The following MICALL2 variants were observed in gnomAD, a reference collection of about 807,000 sequenced individuals.
MICALL2 encodes MICAL like 2.
In MICALL2, 111 loss-of-function variants were observed where a neutral mutation model predicts 91.1. The ratio of observed to expected loss-of-function variants is 1.22; its 90% CI spans 1.04 to 1.43. The LOEUF (loss-of-function observed/expected upper bound fraction) is 1.43, where lower values mean the gene tolerates loss of function less well. Among genes scored for constraint, MICALL2 ranks in the 40% most tolerant of loss-of-function variants. MICALL2 has a pLI of 0.00. For missense variants in MICALL2, 1,556 were observed against 1,236.0 expected (o/e 1.26, Z -3.88); for synonymous variants, 694 against 525.3 (o/e 1.32, Z -4.39).
At position 1,437,543 on chromosome 7, in the gene MICALL2, G is replaced by A. The variant is rs1230479669; in HGVS notation, c.2468C>T (p.Ala823Val). The change falls in exon 14 of 17, where the codon GCC becomes GTC. Residue 823 changes from alanine to valine, a missense_variant. Transcript: ENST00000297508. ...GCGCGCGGGGGACGCACCGGGCTTGGCCATGAGCCGGCGCAGCTCGCCCTC... is the reference window on the plus strand; with the variant it reads ...GCGCGCGGGGGACGCACCGGGCTTGACCATGAGCCGGCGCAGCTCGCCCTC... Reference protein sequence around the residue: ...DIEGELRRLMAKPEALKSLQE... With the variant: ...DIEGELRRLMVKPEALKSLQE... 20 of 1,525,890 alleles carry A rather than the reference G, an allele frequency of 1.3e-5. No homozygotes were observed. The East Asian group carries it at 4.7e-4, about 36-fold the overall frequency. 94.5% of individuals were successfully genotyped at this position (1,525,890 alleles called of 1,614,324 possible).
Position 1,442,919 on chromosome 7 carries a change from G to C in MICALL2, c.1419-435C>G, listed in dbSNP as rs948276221. ...CCTGGGCTGCCAGGTTCAGTCCCAT[G>C]TGACACAGTCTCTCTGGCCCCGCCA... On this transcript the variant is annotated intron_variant, in intron 6 of 16. Coordinates refer to ENST00000297508, the MANE Select transcript of MICALL2 (RefSeq NM_182924.4). Among the ~76,000 whole-genome samples, 5 of 152,230 alleles carry C rather than the reference G, an allele frequency of 3.3e-5. No homozygotes were observed. In the South Asian group the frequency reaches 8.3e-4, roughly 25 times the overall value.
chr7:1,459,206 G>A lies in MICALL2; in HGVS notation c.121C>T (p.His41Tyr), dbSNP rs772359527. The change falls in exon 1 of 17, where the codon CAC (histidine) becomes TAC (tyrosine). Residue 41 changes from histidine (H) to tyrosine (Y), a missense_variant. Physicochemically the swap from His to Tyr is moderately conservative, Grantham distance 83. Transcript: ENST00000297508. ...RDGLAFCAILHRHRPDLINFS... is the reference protein window; with the variant it reads ...RDGLAFCAILYRHRPDLINFS... Reference sequence around the variant, plus strand: ...TACATGAGGTCGGGCCGGTGGCGGTGCAGGATGGCGCAGAAAGCCAGGCCG... The same window carrying A: ...TACATGAGGTCGGGCCGGTGGCGGTACAGGATGGCGCAGAAAGCCAGGCCG... 3 of 1,610,548 alleles carry A rather than the reference G, an allele frequency of 1.9e-6. No individual in the cohort carries two copies. Among genetic ancestry groups the A allele is most frequent in the Non-Finnish European group, 2.5e-6 (3 of 1,178,800 alleles).
Position 1,445,431 on chromosome 7 carries a change from G to C in MICALL2, c.642-3C>G. The C allele has an allele frequency of 1.3e-6, 2 of 1,526,554 alleles. No individual in the cohort carries two copies. 94.6% of individuals were successfully genotyped at this position (1,526,554 alleles called of 1,614,324 possible). On this transcript the variant is annotated splice_polypyrimidine_tract_variant and splice_region_variant and intron_variant, in intron 5 of 16. Coordinates refer to ENST00000297508, the MANE Select transcript of MICALL2 (RefSeq NM_182924.4). Reference sequence around the variant, plus strand: ...GCGTGCAGGAGCACTGCTTACACCTGGGGGAGGAAAGGCACAGGAGCCCCA... The same window carrying C: ...GCGTGCAGGAGCACTGCTTACACCTCGGGGAGGAAAGGCACAGGAGCCCCA...
In MICALL2 at chr7:1,440,631, C is replaced by G; in HGVS notation, c.1765G>C (p.Ala589Pro). The change falls in exon 8 of 17, where the codon GCG (alanine) becomes CCG (proline). Residue 589 changes from alanine to proline, a missense_variant. Transcript: ENST00000297508. The part of the protein sequence containing the change: ...GQEDGPAGWR[A>P]NLKPVDRRSP... The stretch of plus-strand genomic sequence containing the variant: ...CTCCTGTCCACGGGCTTCAGATTCG[C>G]TCTCCATCCTGCCGGCCCGTCCTCC... The G allele has an allele frequency of 6.2e-7, 1 of 1,612,800 alleles. No homozygotes were observed. The highest frequency in any genetic ancestry group is 8.5e-7 in the Non-Finnish European group (1 of 1,179,966).
rs1779860681 is a variant in MICALL2 at position 1,434,507 on chromosome 7, A to AGTCCGGG, written c.*82_*88dup. The AGTCCGGG allele has an allele frequency of 1.7e-6, 2 of 1,203,496 alleles. No individual in the cohort carries two copies. Among genetic ancestry groups the AGTCCGGG allele is most frequent in the South Asian group, 1.2e-5 (1 of 82,568 alleles). The allele number at this position is 1,203,496 out of a possible 1,614,324, so 74.6% of individuals were successfully genotyped here. A position where few individuals can be genotyped will look rare whatever the true frequency, so the allele number is the denominator to read the frequency against. ...GGCCGAGCCCACGGCCCCGAGTACAAGTCCGGGTTCCGGGTCCGGGCCAAG... is the reference window on the plus strand; with the variant it reads ...GGCCGAGCCCACGGCCCCGAGTACAAGTCCGGGGTCCGGGTTCCGGGTCCGGGCCAAG... On this transcript the variant is annotated 3_prime_UTR_variant, in exon 17 of 17. Coordinates refer to ENST00000297508, the MANE Select transcript of MICALL2 (RefSeq NM_182924.4).
chr7:1,449,704 G>T (rs1022592519), intron 2 of MICALL2, among the ~76,000 whole-genome samples: 1 of 152,250 alleles, frequency 6.6e-6, no homozygotes, highest in African/African-American at 2.4e-5. Context: ...TGCCTGCAGG[G>T]CGCGTGGTGA....
chr7:1,450,422 C>G, intron 1 of MICALL2, 134 bp from the exon 2 acceptor site: 1 of 741,772 alleles, frequency 1.3e-6, no homozygotes, highest in Non-Finnish European at 2.4e-6. Context: ...TGAGGTGGCA[C>G]AGGACCACAG....
chr7:1,449,572 G>A (rs1780744215), intron 2 of MICALL2, among the ~76,000 whole-genome samples: 1 of 152,280 alleles, frequency 6.6e-6, no homozygotes, highest in Non-Finnish European at 1.5e-5. Context: ...TTGTCCCCGT[G>A]CTGAGCAGGG....
At chr7:1,437,746 C>A in intron 13 of MICALL2, 138 bp from the exon 14 acceptor site, 1 of 1,219,294 alleles carries the variant, frequency 8.2e-7, no homozygotes, top group Non-Finnish European at 1.2e-6. Context: ...CCCCGCCTGG[C>A]CCACCCAGAC....
intron 1 of MICALL2, among the ~76,000 whole-genome samples, chr7:1,456,026 G>A (rs969039151): frequency 1.3e-5 from 2 of 151,876 alleles, no homozygotes; most frequent in African/African-American, 4.8e-5. Context: ...GGCTGCATGA[G>A]GAGACCTCCA....
intron 6 of MICALL2, among the ~76,000 whole-genome samples, chr7:1,443,474 G>C (rs1780411428): frequency 1.3e-5 from 2 of 152,302 alleles, no homozygotes; most frequent in African/African-American, 4.8e-5. Context: ...GACTGTACTT[G>C]GTCGAATGGT....
intron 2 of MICALL2, among the ~76,000 whole-genome samples, chr7:1,450,035 G>A (rs1410053304): frequency 2.0e-5 from 3 of 152,198 alleles, no homozygotes; most frequent in Non-Finnish European, 4.4e-5. Context: ...GTATGCCCTG[G>A]GTGCCAAGAT....
Position 1,438,954 on chromosome 7 carries a change from G to T in MICALL2, c.2008C>A (p.Pro670Thr). 1 of 1,603,004 alleles carries T rather than the reference G, an allele frequency of 6.2e-7. No homozygotes were observed. ...TTGTCACAAACGTCGAGGCTGGCAG[G>T]GACGGCCAGTCTCCTGCGGCGGGGT... ...SPPRRRRLAVPASLDVCDNWL... is the reference protein window; with the variant it reads ...SPPRRRRLAVTASLDVCDNWL... The change falls in exon 10 of 17, where the codon CCT becomes ACT. Residue 670 changes from proline to threonine, a missense_variant. By Grantham distance (38) the Pro-to-Thr change is conservative. Transcript: ENST00000297508.
chr7:1,443,235 G>A (rs760498387), intron 6 of MICALL2, among the ~76,000 whole-genome samples: 38 of 100,634 alleles, frequency 3.8e-4, no homozygotes, highest in South Asian at 1.1e-3. Context: ...GAGCACCCCC[G>A]CCACTCATCC....
Position 1,444,849 on chromosome 7 carries a change from G to C in MICALL2, c.1221C>G (p.Thr407=). ...CCTGCTGGGTCCTGGAGGCGGACGG[G>C]GTCCAGGCTGGGGGGTCCACCGTGG... The part of the protein sequence containing the change: ...SAATVDPPAW[T]PSASRTQQAR... The change falls in exon 6 of 17, where the codon ACC becomes ACG. Residue 407 remains threonine (T), a synonymous_variant. Transcript: ENST00000297508. 6.2e-7 allele frequency: 1 copy of C among 1,605,468 alleles called. No homozygotes were observed. The highest frequency in any genetic ancestry group is 1.1e-5 in the South Asian group (1 of 90,708).
chr7:1,448,513 TGG>T (rs111737157), intron 3 of MICALL2, 105 bp downstream of exon 3: 4 of 859,322 alleles, frequency 4.7e-6, no homozygotes, highest in Non-Finnish European at 7.1e-6. Context: ...GGGCCATTCT[TGG>T]GGGGGGGGCT....
intron 4 of MICALL2, among the ~76,000 whole-genome samples, 163 bp downstream of exon 4, chr7:1,447,412 G>C (rs1215714850): frequency 6.6e-6 from 1 of 152,178 alleles, no homozygotes; most frequent in African/African-American, 2.4e-5. Flanking sequence ...GCCCTGGAGA[G>C]CCCGGTCCTG....
rs201230802 is a variant in MICALL2, at chr7:1,436,728, C to A, written c.2591+14G>T. 3 of 1,592,962 alleles carry A rather than the reference C, an allele frequency of 1.9e-6. No homozygotes were observed. Among genetic ancestry groups the A allele is most frequent in the South Asian group, 2.2e-5 (2 of 89,484 alleles). ...TGGCCTGGCTGGGAGGGGCCCCCGG[C>A]ACCTGCCCCTCACCGGAGCCGGTCC... On this transcript the variant is annotated intron_variant, in intron 15 of 16. Transcript: ENST00000297508.
intron 6 of MICALL2, among the ~76,000 whole-genome samples, chr7:1,443,751 C>T (rs1376472207): frequency 6.6e-6 from 1 of 152,208 alleles, no homozygotes; most frequent in Admixed American, 6.5e-5. Context: ...CAGGTCCACC[C>T]CTAGTGCCCT....
Sources: allele counts gnomAD v4.1 joint callset (sites outside exome capture counted in the v4.1 genomes callset), GRCh38; gene constraint gnomAD v4.1.1; transcripts MANE v1.5; gene names NCBI Gene and HGNC (gene_info 2026-07-23, HGNC 2026-07-21).